Variants in PKM observed in about 807,000 individuals in gnomAD.
PKM encodes the protein pyruvate kinase PKM.
PKM carries 18 observed loss-of-function variants against 49.8 expected under a neutral mutation model. The observed-to-expected ratio is 0.36, with a 90% confidence interval of 0.25 to 0.54. The LOEUF (loss-of-function observed/expected upper bound fraction) is 0.54, where lower values mean the gene tolerates loss of function less well. PKM is among the 20% of genes least tolerant of loss of function. The probability of loss-of-function intolerance (pLI) is 0.89; values close to 1 mark genes in which losing one functional copy is unlikely to be tolerated. For synonymous variants in PKM, 239 were observed against 261.8 expected (o/e 0.91, Z 0.84); for missense variants, 508 against 713.8 (o/e 0.71, Z 3.28).
chr15:72,229,978 G>A (rs2082804491), intron 1 of PKM, among the ~76,000 whole-genome samples: 1 of 152,214 alleles, frequency 6.6e-6, no homozygotes, highest in Admixed American at 6.5e-5. Flanking sequence ...CGCGGAACGG[G>A]CGAGGGCCAG....
At chr15:72,217,560 A>G in intron 2 of PKM, 60 bp from the exon 3 acceptor site, 1 of 1,122,692 alleles carries the variant, frequency 8.9e-7, no homozygotes, top group South Asian at 1.2e-5. Flanking sequence ...AAAACATTTA[A>G]GTTTGCTTAA....
In PKM at chr15:72,207,297, G is replaced by A. The variant is rs1319416120; in HGVS notation, c.837-20C>T. 3 of 1,613,276 alleles carry A rather than the reference G, an allele frequency of 1.9e-6. No homozygotes were observed. The highest frequency in any genetic ancestry group is 2.2e-5 in the South Asian group (2 of 91,054). ...TCAAACCTGATGGACAAAGTTGGGG[G>A]GAGAGAGGTTATATAGAACAGAGGC... On this transcript the variant is annotated intron_variant, in intron 6 of 10. Coordinates refer to ENST00000335181, the MANE Select transcript of PKM (RefSeq NM_002654.6).
chr15:72,209,203 C>CT (rs2082166535), intron 5 of PKM, among the ~76,000 whole-genome samples: 1 of 151,716 alleles, frequency 6.6e-6, no homozygotes, highest in Admixed American at 6.6e-5. Flanking sequence ...GCCATCTCTA[C>CT]TAAAAATACA....
At position 72,206,865 on chromosome 15, in the gene PKM, T is replaced by C; in HGVS notation, c.1003A>G (p.Ile335Val). The change falls in exon 8 of 11, where the codon ATC becomes GTC. Residue 335 changes from isoleucine to valine, a missense_variant. Transcript: ENST00000335181. ...ICATQMLESM[I>V]KKPRPTRAEG... ...GCCCGAGTGGGGCGGGGCTTCTTGATCATGCTCTCCAGCATCTGGGAGGGG... is the reference window on the plus strand; with the variant it reads ...GCCCGAGTGGGGCGGGGCTTCTTGACCATGCTCTCCAGCATCTGGGAGGGG... 1 of 1,614,146 alleles carries C rather than the reference T, an allele frequency of 6.2e-7. No individual in the cohort carries two copies. Among genetic ancestry groups the C allele is most frequent in the South Asian group, 1.1e-5 (1 of 91,086 alleles).
rs145060432 is a variant in PKM at position 72,208,660 on chromosome 15, T to C, written c.797A>G (p.Lys266Arg). 3.8e-5 allele frequency: 62 copies of C among 1,614,122 alleles called. No homozygotes were observed. In the African/African-American group the frequency reaches 7.7e-4, roughly 20 times the overall value. Residue 266 changes from lysine (K) to arginine (R), a missense_variant, in exon 6 of 11, where the codon AAG becomes AGG. Physicochemically the swap from Lys to Arg is conservative, Grantham distance 26. Coordinates refer to ENST00000335181, the MANE Select transcript of PKM (RefSeq NM_002654.6). The part of the protein sequence containing the change: ...KVLGEKGKNI[K>R]IISKIENHEG... ...ATGATTCTCGATTTTGCTGATAATC[T>C]TGATGTTCTTTCCCTTCTCTCCCAG...
intron 1 of PKM, among the ~76,000 whole-genome samples, chr15:72,228,851 T>C (rs773478909): frequency 6.6e-6 from 1 of 152,052 alleles, no homozygotes; most frequent in African/African-American, 2.4e-5. Flanking sequence ...CTGGCTCCAA[T>C]CCTAATCTCA....
At chr15:72,226,363 TA>T (rs759746718) in intron 1 of PKM, among the ~76,000 whole-genome samples, 1 of 149,932 alleles carries the variant, frequency 6.7e-6, no homozygotes. Flanking sequence ...CCGTCTCTAC[TA>T]AAAAATACAA....
At chr15:72,221,207 T>TCC (rs1791433667) in intron 1 of PKM, 1 of 1,535,382 alleles carries the variant, frequency 6.5e-7, no homozygotes, top group East Asian at 2.4e-5. Flanking sequence ...GACATAATGC[T>TCC]CCCCTTTTGG....
At chr15:72,225,834 T>C (rs2140802773) in intron 1 of PKM, among the ~76,000 whole-genome samples, 1 of 152,358 alleles carries the variant, frequency 6.6e-6, no homozygotes, top group South Asian at 2.1e-4. Context: ...TGTCTCCCTG[T>C]ACTGTGTGAG....
rs1748191893 is a variant in PKM at position 72,199,393 on chromosome 15, G to T, written c.*257C>A. On this transcript the variant is annotated 3_prime_UTR_variant, in exon 11 of 11. Coordinates refer to ENST00000335181, the MANE Select transcript of PKM (RefSeq NM_002654.6). ...CACCCTCTTGCCATCTGGCTCCAGG[G>T]GCCTCCAGTCCAGCATTCCTCCTTC... is the stretch of plus-strand genomic sequence containing the variant. The T allele has an allele frequency of 1.5e-6, 1 of 668,544 alleles. No individual in the cohort carries two copies. Among genetic ancestry groups the T allele is most frequent in the African/African-American group, 1.8e-5 (1 of 56,470 alleles). The allele number at this position is 668,544 out of a possible 1,614,324, so 41.4% of individuals were successfully genotyped here. A position where few individuals can be genotyped will look rare whatever the true frequency, so the allele number is the denominator to read the frequency against.
chr15:72,226,824 G>A (rs1175495086), intron 1 of PKM, among the ~76,000 whole-genome samples: 1 of 152,236 alleles, frequency 6.6e-6, no homozygotes, highest in Admixed American at 6.5e-5. Flanking sequence ...AGAAGTGGGG[G>A]AGGTGAGTCT....
intron 8 of PKM, among the ~76,000 whole-genome samples, chr15:72,205,717 C>T (rs373931344): frequency 2.1e-5 from 3 of 144,754 alleles, no homozygotes; most frequent in South Asian, 2.2e-4. Flanking sequence ...CAAAGGGCAG[C>T]GGGTCTTTCA....
Position 72,200,631 on chromosome 15 carries a change from G to A in PKM, c.1332C>T (p.Tyr444=), listed in dbSNP as rs1044626880. 20 of 1,612,994 alleles carry A rather than the reference G, an allele frequency of 1.2e-5. No homozygotes were observed. The highest frequency in any genetic ancestry group is 1.4e-5 in the Non-Finnish European group (17 of 1,179,290). ...CAGCAATGATGGGGGCACGTGGGCG[G>A]TATCTGGCCACCTGGTGAGCAGACC... ...SGRSAHQVAR[Y]RPRAPIIAVT... The change falls in exon 10 of 11, where the codon TAC becomes TAT. Residue 444 remains tyrosine (Y), a synonymous_variant. Transcript: ENST00000335181. This position sits in a 1 kb window ranked among gnomAD's most constrained non-coding sequence, Gnocchi z 4.6.
At chr15:72,209,643 A>T in intron 5 of PKM, 30 bp downstream of exon 5, 1 of 1,598,198 alleles carries the variant, frequency 6.3e-7, no homozygotes, top group Non-Finnish European at 8.6e-7. Context: ...AGACTGTTTT[A>T]GACAACTGGA....
At chr15:72,217,524 A>C (rs1429587403) in intron 2 of PKM, 24 bp from the exon 3 acceptor site, 8 of 1,362,870 alleles carry the variant, frequency 5.9e-6, no homozygotes, top group Non-Finnish European at 8.4e-6. Context: ...TTTTAAAGCC[A>C]CAAGTATTAA....
At position 72,206,596 on chromosome 15, in the gene PKM, G is replaced by T. The variant is rs113920924; in HGVS notation, c.1140+132C>A. The T allele has an allele frequency of 3.7e-3, 3,379 of 906,242 alleles. 29 individuals carry two copies. Among genetic ancestry groups the T allele is most frequent in the East Asian group, 0.035 (1,414 of 40,474 alleles). 56.1% of individuals were successfully genotyped at this position (906,242 alleles called of 1,614,324 possible). A position where few individuals can be genotyped will look rare whatever the true frequency, so the allele number is the denominator to read the frequency against. ...CCACTTCCACCCCCACCCTCTTGCTGCTGTAACTTGGAGGATAATGAAAGG... is the reference window on the plus strand; with the variant it reads ...CCACTTCCACCCCCACCCTCTTGCTTCTGTAACTTGGAGGATAATGAAAGG... On this transcript the variant is annotated intron_variant, in intron 8 of 10. Transcript: ENST00000335181.
rs2082089644 is a variant in PKM, at chr15:72,206,750, T to C, written c.1118A>G (p.Glu373Gly). Residue 373 changes from glutamate (E) to glycine (G), a missense_variant, in exon 8 of 11, where the codon GAG becomes GGG. By Grantham distance (98) the Glu-to-Gly change is moderately conservative. Transcript: ENST00000335181. The stretch of plus-strand genomic sequence containing the variant: ...CACCAGGTGCTGCATGCGCACAGCC[T>C]CCAGAGGATAGTCCCCTTTGGCTGT... ...GETAKGDYPL[E>G]AVRMQHLIAR... The C allele has an allele frequency of 6.2e-7, 1 of 1,613,364 alleles. No individual in the cohort carries two copies. The highest frequency in any genetic ancestry group is 1.7e-5 in the Admixed American group (1 of 60,000).
In PKM at chr15:72,228,549, A is replaced by C. The variant is rs12441553; in HGVS notation, c.-14+2567T>G. ...GGAGAAGGGACTTTTTAAGCCTGCA[A>C]GAACCACAATGTAGTTTCCCCACTC... On this transcript the variant is annotated intron_variant, in intron 1 of 10. Coordinates refer to ENST00000335181, the MANE Select transcript of PKM (RefSeq NM_002654.6). The C allele has an allele frequency of 2.8e-3, 2,528 of 889,288 alleles. 86 individuals carry two copies. In the Admixed American group the frequency reaches 0.055, roughly 19 times the overall value. The allele number at this position is 889,288 out of a possible 1,614,324, so 55.1% of individuals were successfully genotyped here. A position where few individuals can be genotyped will look rare whatever the true frequency, so the allele number is the denominator to read the frequency against.
At chr15:72,204,485 C>G (rs182917560) in intron 8 of PKM, 1 of 152,288 alleles carries the variant, frequency 6.6e-6, no homozygotes, top group Admixed American at 6.5e-5. Flanking sequence ...AAATGGAGAC[C>G]TGTTCTCATC....
Sources: gnomAD v4.1 joint callset for allele counts (sites outside exome capture counted in the v4.1 genomes callset) on GRCh38, gnomAD v4.1.1 for gene constraint, Gnocchi (gnomAD v3.1) non-coding constraint, MANE v1.5 for transcripts, NCBI Gene and HGNC (gene_info 2026-07-23, HGNC 2026-07-21) for gene names.